The following TMEM182 variants were observed in gnomAD, a reference collection of about 807,000 sequenced individuals.
The protein encoded by TMEM182 is transmembrane protein 182.
TMEM182 carries 20 observed loss-of-function variants against 26.8 expected under a neutral mutation model. The observed-to-expected ratio is 0.75, with a 90% confidence interval of 0.53 to 1.09. TMEM182 has a LOEUF of 1.09. Among genes scored for constraint, TMEM182 ranks in the 50% least tolerant of loss-of-function variants. TMEM182 has a pLI of 0.00. For missense variants in TMEM182, 277 were observed against 275.5 expected (o/e 1.01, Z -0.04); for synonymous variants, 109 against 102.2 (o/e 1.07, Z -0.40).
chr2:102,750,474 T>C (rs1303296774), intron 1 of TMEM182, among the ~76,000 whole-genome samples: 1 of 152,210 alleles, frequency 6.6e-6, no homozygotes, highest in Non-Finnish European at 1.5e-5. Context: ...ACGTACACCT[T>C]CCCAGAATCA....
intron 3 of TMEM182, among the ~76,000 whole-genome samples, chr2:102,777,199 A>G (rs1455139996): frequency 6.6e-6 from 1 of 151,816 alleles, no homozygotes; most frequent in Non-Finnish European, 1.5e-5. Flanking sequence ...TGCTTTTCGT[A>G]TTGTATATAA....
At chr2:102,798,695 G>A (rs1681986129) in intron 4 of TMEM182, among the ~76,000 whole-genome samples, 1 of 152,114 alleles carries the variant, frequency 6.6e-6, no homozygotes, top group African/African-American at 2.4e-5. Context: ...AAAAAAATTA[G>A]CCAGGCGTGG....
chr2:102,764,211 G>T, intron 2 of TMEM182, 118 bp from the exon 3 acceptor site: 1 of 967,122 alleles, frequency 1.0e-6, no homozygotes, highest in East Asian at 2.5e-5. Flanking sequence ...TTTGCTGATG[G>T]AACCAGTAGT....
rs577375371 is a variant in TMEM182 at position 102,747,958 on chromosome 2, T to G, written c.-82-10431T>G. On this transcript the variant is annotated intron_variant, in intron 1 of 5. Transcript: ENST00000409173. ...ATAAGACAGAAAGTGTGTGTGTGTG[T>G]TTTTTTTTCCTTCTTGCTCATGTAA... Among the ~76,000 whole-genome samples the G allele has an allele frequency of 2.6e-5, 4 of 151,424 alleles. No homozygotes were observed. In the South Asian group the frequency reaches 8.4e-4, roughly 32 times the overall value.
intron 1 of TMEM182, among the ~76,000 whole-genome samples, chr2:102,752,457 G>A (rs1447880942): frequency 6.6e-6 from 1 of 152,228 alleles, no homozygotes; most frequent in Non-Finnish European, 1.5e-5. Context: ...CAGAACGTGA[G>A]GAGAGAGCTG....
chr2:102,829,603 A>T (rs1286396075), intron 3 of TMEM182, among the ~76,000 whole-genome samples: 1 of 152,232 alleles, frequency 6.6e-6, no homozygotes, highest in African/African-American at 2.4e-5. Flanking sequence ...CACAAGGCTT[A>T]GGTGACAGAG....
At chr2:102,773,787 T>C (rs991551584) in intron 3 of TMEM182, among the ~76,000 whole-genome samples, 1 of 152,164 alleles carries the variant, frequency 6.6e-6, no homozygotes, top group African/African-American at 2.4e-5. Flanking sequence ...GTATTCCAGA[T>C]GACTAGGACC....
chr2:102,776,342 A>T (rs531193119), intron 3 of TMEM182, among the ~76,000 whole-genome samples: 2 of 152,218 alleles, frequency 1.3e-5, no homozygotes, highest in Non-Finnish European at 2.9e-5. Flanking sequence ...TCTGCCCCCA[A>T]ACCATCGCAA....
At chr2:102,818,599 C>G (rs1167923825), downstream of TMEM182, among the ~76,000 whole-genome samples, 1 of 152,112 alleles carries the variant, frequency 6.6e-6, no homozygotes, top group Non-Finnish European at 1.5e-5. Flanking sequence ...AGGAGACCCA[C>G]TCAGCTTTTT....
chr2:102,790,282 G>C (rs953412477), intron 3 of TMEM182, among the ~76,000 whole-genome samples: 2 of 152,246 alleles, frequency 1.3e-5, no homozygotes, highest in African/African-American at 4.8e-5. Flanking sequence ...CCCCTGATGA[G>C]ACACCAGTTT....
chr2:102,842,776 G>A (rs1162123040), intron 3 of TMEM182, among the ~76,000 whole-genome samples: 1 of 152,042 alleles, frequency 6.6e-6, no homozygotes. Flanking sequence ...CTCCATTCTC[G>A]GTGCCATGAA....
chr2:102,783,605 A>G (rs979778091), intron 3 of TMEM182, among the ~76,000 whole-genome samples: 1 of 152,182 alleles, frequency 6.6e-6, no homozygotes, highest in African/African-American at 2.4e-5. Flanking sequence ...TACTGCACTC[A>G]GTGAATGCTG....
chr2:102,741,045 G>C (rs1368011972), intron 1 of TMEM182, among the ~76,000 whole-genome samples: 2 of 152,200 alleles, frequency 1.3e-5, no homozygotes, highest in Admixed American at 1.3e-4. Flanking sequence ...AGCTTGGGAA[G>C]TTGCCACTTC....
At chr2:102,786,291 T>C (rs1681392783) in intron 3 of TMEM182, among the ~76,000 whole-genome samples, 1 of 142,598 alleles carries the variant, frequency 7.0e-6, no homozygotes, top group African/African-American at 2.6e-5. Context: ...CTCAGCTCAC[T>C]GTAACCTCTG....
At chr2:102,822,012 T>G (rs1397478332), downstream of TMEM182, among the ~76,000 whole-genome samples, 6 of 150,512 alleles carry the variant, frequency 4.0e-5, no homozygotes, top group Admixed American at 2.6e-4. Flanking sequence ...AATGCAACAC[T>G]TAAGATAAAT....
chr2:102,790,036 A>G (rs1311230316), intron 3 of TMEM182, among the ~76,000 whole-genome samples: 1 of 152,168 alleles, frequency 6.6e-6, no homozygotes, highest in Non-Finnish European at 1.5e-5. Flanking sequence ...ATTCGACACC[A>G]TAATATTCAA....
At chr2:102,766,474 G>A (rs540709171) in intron 3 of TMEM182, among the ~76,000 whole-genome samples, 2 of 152,256 alleles carry the variant, frequency 1.3e-5, no homozygotes, top group African/African-American at 4.8e-5. Context: ...TGATTGAGAT[G>A]TGCAAAGATG....
At chr2:102,777,143 A>T (rs1022206824) in intron 3 of TMEM182, among the ~76,000 whole-genome samples, 1 of 152,054 alleles carries the variant, frequency 6.6e-6, no homozygotes, top group Non-Finnish European at 1.5e-5. Flanking sequence ...CAGAAATTTT[A>T]AATTTTAATA....
chr2:102,814,839 C>T lies in TMEM182; in HGVS notation c.561C>T (p.Asp187=), dbSNP rs767617067. The change falls in exon 5 of 5, where the codon GAC becomes GAT. Residue 187 remains aspartate (D), a synonymous_variant. Coordinates refer to ENST00000412401, the MANE Select transcript of TMEM182 (RefSeq NM_144632.5). ...MESYRNMKMK[D]CLDFTPSVLY... ...GCTACCGAAACATGAAAATGAAGGACTGCCTGGATTTCACCCCTTCTGTTC... is the reference window on the plus strand; with the variant it reads ...GCTACCGAAACATGAAAATGAAGGATTGCCTGGATTTCACCCCTTCTGTTC... The T allele has an allele frequency of 5.0e-6, 8 of 1,613,760 alleles. No homozygotes were observed. The highest frequency in any genetic ancestry group is 6.8e-6 in the Non-Finnish European group (8 of 1,179,952).
Sources: allele counts gnomAD v4.1 joint callset (sites outside exome capture counted in the v4.1 genomes callset), GRCh38; gene constraint gnomAD v4.1.1; transcripts MANE v1.5; gene names NCBI Gene and HGNC (gene_info 2026-07-23, HGNC 2026-07-21).